Variants in AIG1 observed in about 807,000 individuals in gnomAD.
AIG1 encodes the protein androgen-induced gene 1 protein.
AIG1 carries 23 observed loss-of-function variants against 31.4 expected under a neutral mutation model. The ratio of observed to expected loss-of-function variants is 0.73; its 90% CI spans 0.53 to 1.04. AIG1 has a LOEUF of 1.04. AIG1 is among the 50% of genes least tolerant of loss of function. AIG1 has a pLI of 0.00. For synonymous variants in AIG1, 100 were observed against 110.5 expected (o/e 0.90, Z 0.60); for missense variants, 274 against 295.0 (o/e 0.93, Z 0.52).
chr6:143,126,866 T>A (rs1301810242), intron 1 of AIG1, among the ~76,000 whole-genome samples: 1 of 152,086 alleles, frequency 6.6e-6, no homozygotes, highest in Non-Finnish European at 1.5e-5. Context: ...ATATCATATA[T>A]ATCATATATA....
At chr6:143,108,863 G>A (rs995776656) in intron 1 of AIG1, among the ~76,000 whole-genome samples, 6 of 152,114 alleles carry the variant, frequency 3.9e-5, no homozygotes, top group African/African-American at 1.4e-4. Flanking sequence ...CCAGGTATAC[G>A]GAGAAGTCTT....
Position 143,328,353 on chromosome 6 carries a change from A to T in AIG1, c.516-4929A>T, listed in dbSNP as rs1003772790. Among the ~76,000 whole-genome samples, 1 of 152,220 alleles carries T rather than the reference A, an allele frequency of 6.6e-6. No homozygotes were observed. Among genetic ancestry groups the T allele is most frequent in the African/African-American group, 2.4e-5 (1 of 41,462 alleles). ...TTTGGAAACTTTTGATTGTGCTTTAATGAAAGGCATCTGAACATATTCATC... is the reference window on the plus strand; with the variant it reads ...TTTGGAAACTTTTGATTGTGCTTTATTGAAAGGCATCTGAACATATTCATC... On this transcript the variant is annotated intron_variant, in intron 4 of 5. Transcript: ENST00000357847. This position sits in a 1 kb window ranked among gnomAD's most constrained non-coding sequence, Gnocchi z 4.0.
intron 3 of AIG1, among the ~76,000 whole-genome samples, chr6:143,187,131 A>G (rs1789334433): frequency 6.6e-6 from 1 of 152,222 alleles, no homozygotes; most frequent in Non-Finnish European, 1.5e-5. Context: ...TTAGCACTGA[A>G]TTTGTACTCC....
chr6:143,164,404 A>ACC (rs1413311093), intron 2 of AIG1, among the ~76,000 whole-genome samples: 1 of 152,146 alleles, frequency 6.6e-6, no homozygotes, highest in Admixed American at 6.6e-5. Flanking sequence ...CTCTCTTTTG[A>ACC]TGATTATGTT....
rs145758423 is a variant in AIG1, at chr6:143,136,250, C to T, written c.142-585C>T. Among the ~76,000 whole-genome samples the T allele has an allele frequency of 6.8e-3, 1,038 of 152,154 alleles. 6 individuals are homozygous for T. Among genetic ancestry groups the T allele is most frequent in the Non-Finnish European group, 9.6e-3 (656 of 67,990 alleles). ...CAACAGAAACTTGTTTCATATCAGC[C>T]TTAATTATTACATTCAGTCGATTTT... On this transcript the variant is annotated intron_variant, in intron 1 of 5. Coordinates refer to ENST00000357847, the MANE Select transcript of AIG1 (RefSeq NM_016108.4).
In AIG1 at chr6:143,327,053, C is replaced by A. The variant is rs1475136122; in HGVS notation, c.516-6229C>A. On this transcript the variant is annotated intron_variant, in intron 4 of 5. Transcript: ENST00000357847. The surrounding 1 kb of genome is among the most constrained non-coding windows in gnomAD (Gnocchi z 5.3). Reference sequence around the variant, plus strand: ...TTCTGGTTTGGAAAGATCACTCTGGCAGCAGTGAGGATGACATGGAAGGAG... The same window carrying A: ...TTCTGGTTTGGAAAGATCACTCTGGAAGCAGTGAGGATGACATGGAAGGAG... Among the ~76,000 whole-genome samples the A allele has an allele frequency of 2.0e-5, 3 of 152,088 alleles. No individual in the cohort carries two copies. The highest frequency in any genetic ancestry group is 6.5e-5 in the Admixed American group (1 of 15,276).
rs1458075829 is a variant in AIG1, at chr6:143,328,196, A to G, written c.516-5086A>G. ...AGAAACCAGTATCTTTTGGTCGAAT[A>G]GCAAGAAGAGATGCCAGACTGCTGT... is the stretch of plus-strand genomic sequence containing the variant. On this transcript the variant is annotated intron_variant, in intron 4 of 5. Coordinates refer to ENST00000357847, the MANE Select transcript of AIG1 (RefSeq NM_016108.4). The surrounding 1 kb of genome is among the most constrained non-coding windows in gnomAD (Gnocchi z 4.0). Among the ~76,000 whole-genome samples, 2 of 152,206 alleles carry G rather than the reference A, an allele frequency of 1.3e-5. No homozygotes were observed. Among genetic ancestry groups the G allele is most frequent in the Non-Finnish European group, 2.9e-5 (2 of 68,026 alleles).
At position 143,170,244 on chromosome 6, in the gene AIG1, ATTAC is replaced by A. The variant is rs527605970; in HGVS notation, c.399+5065_399+5068del. Among the ~76,000 whole-genome samples the A allele has an allele frequency of 2.0e-5, 3 of 152,106 alleles. No individual in the cohort carries two copies. The South Asian group carries it at 6.2e-4, about 32-fold the overall frequency. ...GCTTTACATTGTTCGGATACTTTTTATTACTTATTCAATCTCATTGCTTGTTATT... is the reference window on the plus strand; with the variant it reads ...GCTTTACATTGTTCGGATACTTTTTATTATTCAATCTCATTGCTTGTTATT... On this transcript the variant is annotated intron_variant, in intron 3 of 5. Transcript: ENST00000357847.
At chr6:143,310,416 C>G (rs992214229) in intron 4 of AIG1, among the ~76,000 whole-genome samples, 2 of 151,430 alleles carry the variant, frequency 1.3e-5, no homozygotes, top group African/African-American at 4.8e-5. Flanking sequence ...TAAGAAGTGG[C>G]AAGAGAAATT....
rs116917088 is a variant in AIG1 at position 143,085,807 on chromosome 6, C to T, written c.141+24741C>T. Reference sequence around the variant, plus strand: ...TACCCATTGTGGTTTTTCTCTCAATCACCCGGGAGGTGCCATCTGTCCTCC... The same window carrying T: ...TACCCATTGTGGTTTTTCTCTCAATTACCCGGGAGGTGCCATCTGTCCTCC... On this transcript the variant is annotated intron_variant, in intron 1 of 5. Coordinates refer to ENST00000357847, the MANE Select transcript of AIG1 (RefSeq NM_016108.4). Among the ~76,000 whole-genome samples the T allele has an allele frequency of 1.1e-3, 160 of 152,326 alleles. 2 individuals carry two copies. The East Asian group carries it at 0.029, about 27-fold the overall frequency.
chr6:143,261,185 G>A (rs1246110529), intron 3 of AIG1, among the ~76,000 whole-genome samples: 2 of 152,144 alleles, frequency 1.3e-5, no homozygotes, highest in East Asian at 1.9e-4. Context: ...AGGCTGGAGT[G>A]CAGCGGCGCG....
At chr6:143,233,181 G>C (rs1419412001) in intron 3 of AIG1, among the ~76,000 whole-genome samples, 1 of 152,168 alleles carries the variant, frequency 6.6e-6, no homozygotes, top group African/African-American at 2.4e-5. Context: ...GTTGAAGCAT[G>C]AGGGGATTCT....
intron 3 of AIG1, among the ~76,000 whole-genome samples, chr6:143,213,881 A>C (rs1204992359): frequency 1.3e-5 from 2 of 152,114 alleles, no homozygotes; most frequent in Admixed American, 6.6e-5. Context: ...AATTTATTAA[A>C]TATAGTTCAC....
chr6:143,075,552 C>G (rs1464723380), intron 1 of AIG1, among the ~76,000 whole-genome samples: 3 of 152,234 alleles, frequency 2.0e-5, no homozygotes, highest in African/African-American at 7.2e-5. Context: ...GCAATCCACC[C>G]CACTCAGCCT....
intron 5 of AIG1, chr6:143,337,831 C>A (rs1382377038): frequency 2.5e-6 from 1 of 395,876 alleles, no homozygotes; most frequent in East Asian, 3.6e-5. Context: ...TCCCTCAGCG[C>A]CCTGCAGTCT....
At chr6:143,130,610 T>G (rs1262256718) in intron 1 of AIG1, among the ~76,000 whole-genome samples, 1 of 151,998 alleles carries the variant, frequency 6.6e-6, no homozygotes, top group South Asian at 2.1e-4. Flanking sequence ...TCCTAGCTAC[T>G]GGGGAGGCTG....
At chr6:143,192,495 C>T (rs919924207) in intron 3 of AIG1, among the ~76,000 whole-genome samples, 1 of 151,888 alleles carries the variant, frequency 6.6e-6, no homozygotes, top group Admixed American at 6.6e-5. Context: ...GTCCCAGCTT[C>T]TCGGGAGGCT....
chr6:143,273,596 A>C (rs1796692790), intron 3 of AIG1, among the ~76,000 whole-genome samples: 1 of 152,184 alleles, frequency 6.6e-6, no homozygotes, highest in South Asian at 2.1e-4. Context: ...TTTATAAAGA[A>C]TGAGAGGTTT....
At chr6:143,076,173 T>G (rs1202870482) in intron 1 of AIG1, among the ~76,000 whole-genome samples, 1 of 152,230 alleles carries the variant, frequency 6.6e-6, no homozygotes, top group Non-Finnish European at 1.5e-5. Flanking sequence ...AGTCTCTAAG[T>G]ATAATTGTGG....
Sources: gnomAD v4.1 joint callset for allele counts (sites outside exome capture counted in the v4.1 genomes callset) on GRCh38, gnomAD v4.1.1 for gene constraint, Gnocchi (gnomAD v3.1) non-coding constraint, MANE v1.5 for transcripts, NCBI Gene and HGNC (gene_info 2026-07-23, HGNC 2026-07-21) for gene names.